SIPA1L3: variants seen among roughly 807,000 people sequenced by gnomAD.
The protein encoded by SIPA1L3 is signal induced proliferation associated 1 like 3, also known as signal-induced proliferation-associated 1-like protein 3.
SIPA1L3 carries 59 observed loss-of-function variants against 150.1 expected under a neutral mutation model. The ratio of observed to expected loss-of-function variants is 0.39; its 90% confidence interval spans 0.32 to 0.49. The LOEUF (loss-of-function observed/expected upper bound fraction) is 0.49. Among genes scored for constraint, SIPA1L3 ranks in the 20% least tolerant of loss-of-function variants. The pLI is 0.86. For missense variants in SIPA1L3, 2,211 were observed against 2,489.5 expected (o/e 0.89, Z 2.38); for synonymous variants, 1,070 against 1,077.6 (o/e 0.99, Z 0.14).
chr19:38,161,167 C>A (rs891972251), intron 13 of SIPA1L3, among the ~76,000 whole-genome samples: 2 of 149,686 alleles, frequency 1.3e-5, no homozygotes, highest in South Asian at 4.3e-4. Context: ...GATGGTGAAA[C>A]CCCGTCTCTA....
chr19:38,166,793 TC>T (rs1972221501), intron 15 of SIPA1L3, among the ~76,000 whole-genome samples: 1 of 151,972 alleles, frequency 6.6e-6, no homozygotes, highest in Non-Finnish European at 1.5e-5. Context: ...GGGATCTTCC[TC>T]TCCTGTGGCG....
chr19:37,998,242 A>G (rs1967693399), intron 1 of SIPA1L3, among the ~76,000 whole-genome samples: 1 of 152,178 alleles, frequency 6.6e-6, no homozygotes, highest in African/African-American at 2.4e-5. Flanking sequence ...GTCCCTCCAG[A>G]AAAGCATTAC....
chr19:37,926,395 C>T lies in SIPA1L3; in HGVS notation c.-379+19037C>T, dbSNP rs374264070. On this transcript the variant is annotated intron_variant, in intron 1 of 21. Transcript: ENST00000222345. ...TGATGTTCGTCACTTTGGCTTTCTG[C>T]GTCTTGGTGCCACCAGTTTTGAAAT... is the stretch of plus-strand genomic sequence containing the variant. Among the ~76,000 whole-genome samples the T allele has an allele frequency of 3.3e-5, 5 of 152,218 alleles. No homozygotes were observed. In the East Asian group the frequency reaches 7.7e-4, roughly 23 times the overall value.
intron 1 of SIPA1L3, among the ~76,000 whole-genome samples, chr19:38,014,544 CTTTTTTTTTT>C (rs72101453): frequency 4.3e-5 from 5 of 116,814 alleles, no homozygotes; most frequent in South Asian, 6.0e-4. Flanking sequence ...ACACCACATT[CTTTTTTTTTT>C]TTTTTTTTTT....
chr19:38,077,363 A>C (rs1422575517), intron 2 of SIPA1L3, among the ~76,000 whole-genome samples: 4 of 152,108 alleles, frequency 2.6e-5, no homozygotes, highest in Non-Finnish European at 4.4e-5. Context: ...AGGCAGGAAG[A>C]TCACTTGAGC....
At chr19:37,924,091 C>A (rs1331358442) in intron 1 of SIPA1L3, among the ~76,000 whole-genome samples, 1 of 152,116 alleles carries the variant, frequency 6.6e-6, no homozygotes, top group Non-Finnish European at 1.5e-5. Flanking sequence ...TTTGGTAATA[C>A]CACTTAGCTT....
chr19:38,162,171 A>C (rs1320258534), intron 13 of SIPA1L3, 82 bp from the exon 14 acceptor site: 1 of 1,040,688 alleles, frequency 9.6e-7, no homozygotes, highest in African/African-American at 1.6e-5. Context: ...GGGTGAGCAG[A>C]CAGTCTGGCA....
intron 2 of SIPA1L3, among the ~76,000 whole-genome samples, chr19:38,069,520 T>C (rs1969669114): frequency 6.6e-6 from 1 of 152,160 alleles, no homozygotes; most frequent in Non-Finnish European, 1.5e-5. Context: ...CTCTCTGCTC[T>C]CTCTGTTCCT....
chr19:38,154,744 CTATTT>C (rs966448381), intron 13 of SIPA1L3, among the ~76,000 whole-genome samples: 6 of 150,174 alleles, frequency 4.0e-5, no homozygotes, highest in Non-Finnish European at 7.4e-5. Flanking sequence ...CCGCACCCAG[CTATTT>C]TATTTTATTA....
chr19:38,176,061 G>A (rs933588279), intron 15 of SIPA1L3, among the ~76,000 whole-genome samples: 1 of 152,148 alleles, frequency 6.6e-6, no homozygotes, highest in Non-Finnish European at 1.5e-5. Flanking sequence ...ACAAAAATTA[G>A]CCAGGCATAA....
At chr19:38,165,012 T>A in intron 15 of SIPA1L3, 106 bp downstream of exon 15, 1 of 1,034,644 alleles carries the variant, frequency 9.7e-7, no homozygotes, top group Non-Finnish European at 1.4e-6. Context: ...CACTCACGGA[T>A]GAATGCGCCT....
chr19:38,049,787 A>T (rs1184430609), intron 2 of SIPA1L3, among the ~76,000 whole-genome samples: 1 of 151,816 alleles, frequency 6.6e-6, no homozygotes, highest in Non-Finnish European at 1.5e-5. Context: ...CCGAGAGCAC[A>T]GGAGGGTCCC....
chr19:38,129,091 T>C (rs1971248873), intron 9 of SIPA1L3, among the ~76,000 whole-genome samples: 1 of 152,290 alleles, frequency 6.6e-6, no homozygotes, highest in South Asian at 2.1e-4. Flanking sequence ...TTAATAGCCA[T>C]GGCTGGTTAC....
intron 7 of SIPA1L3, among the ~76,000 whole-genome samples, chr19:38,108,220 G>T (rs568476766): frequency 1.1e-4 from 16 of 152,278 alleles, no homozygotes; most frequent in African/African-American, 2.9e-4. Context: ...CAGGAGGGGC[G>T]CAGAGAGCAG....
intron 1 of SIPA1L3, among the ~76,000 whole-genome samples, chr19:37,960,980 C>T (rs949859013): frequency 3.9e-5 from 6 of 151,902 alleles, no homozygotes; most frequent in Non-Finnish European, 5.9e-5. Flanking sequence ...GGGATCCTCC[C>T]GCCTCATCCT....
At chr19:38,126,804 G>A (rs1400687952) in intron 9 of SIPA1L3, among the ~76,000 whole-genome samples, 2 of 151,986 alleles carry the variant, frequency 1.3e-5, no homozygotes, top group African/African-American at 2.4e-5. Flanking sequence ...CCAAAGTGCT[G>A]GAATTGCAGG....
intron 1 of SIPA1L3, among the ~76,000 whole-genome samples, chr19:37,919,753 C>T (rs979936558): frequency 9.8e-5 from 14 of 142,194 alleles, no homozygotes; most frequent in African/African-American, 3.0e-4. Flanking sequence ...TCTTGTTGCC[C>T]AGGCTGGAGT....
chr19:37,921,217 C>T (rs914272623), intron 1 of SIPA1L3, among the ~76,000 whole-genome samples: 1 of 152,240 alleles, frequency 6.6e-6, no homozygotes, highest in South Asian at 2.1e-4. Context: ...GCAGCTACAA[C>T]GCCTTTACGG....
intron 1 of SIPA1L3, among the ~76,000 whole-genome samples, chr19:37,955,736 C>G (rs2046804903): frequency 6.6e-6 from 1 of 152,168 alleles, no homozygotes; most frequent in Non-Finnish European, 1.5e-5. Context: ...GAATAATATT[C>G]TATTGTATGG....
Sources: gnomAD v4.1 joint callset for allele counts (sites outside exome capture counted in the v4.1 genomes callset) on GRCh38, gnomAD v4.1.1 for gene constraint, MANE v1.5 for transcripts, NCBI Gene and HGNC (gene_info 2026-07-23, HGNC 2026-07-21) for gene names.